Variants in PRKN observed in about 807,000 individuals in gnomAD.
PRKN encodes the protein parkin RBR E3 ubiquitin protein ligase.
PRKN carries 56 observed loss-of-function variants against 59.5 expected under a neutral mutation model. That is an observed-to-expected ratio of 0.94 (90% CI 0.76 to 1.18). The LOEUF (loss-of-function observed/expected upper bound fraction) is 1.18. PRKN is among the 50% of genes most tolerant of loss of function. The probability of loss-of-function intolerance (pLI) is 0.00; values close to 1 mark genes in which losing one functional copy is unlikely to be tolerated. For synonymous variants in PRKN, 250 were observed against 222.1 expected, an observed-to-expected ratio of 1.13 and a Z score of -1.12; for missense variants, 657 against 596.4, an observed-to-expected ratio of 1.10 and a Z score of -1.06.
chr6:161,380,977 G>T lies in PRKN; in HGVS notation c.1167+5817C>A, dbSNP rs955126906. ...AGTTTGCCACAGACCACCCCCACCC[G>T]CCCCAGCATGGGGCTATGTGTCATT... is the stretch of plus-strand genomic sequence containing the variant. On this transcript the variant is annotated intron_variant, in intron 10 of 11. Coordinates refer to ENST00000366898, the MANE Select transcript of PRKN (RefSeq NM_004562.3). Among the ~76,000 whole-genome samples the T allele has an allele frequency of 2.0e-5, 3 of 152,018 alleles. No individual in the cohort carries two copies. In the South Asian group the frequency reaches 6.2e-4, roughly 32 times the overall value.
At chr6:162,381,512 A>G (rs1455742989) in intron 2 of PRKN, among the ~76,000 whole-genome samples, 2 of 152,198 alleles carry the variant, frequency 1.3e-5, no homozygotes, top group Non-Finnish European at 2.9e-5. Flanking sequence ...TTATACCCTC[A>G]TTATAATTAC....
At chr6:161,510,812 A>G (rs958150212) in intron 9 of PRKN, among the ~76,000 whole-genome samples, 1 of 152,192 alleles carries the variant, frequency 6.6e-6, no homozygotes, top group Non-Finnish European at 1.5e-5. Flanking sequence ...TTTGAATGAA[A>G]TATGTTGGAA....
Position 161,538,617 on chromosome 6 carries a change from T to C in PRKN, c.1083+10237A>G, listed in dbSNP as rs503783. 0.68 allele frequency among the ~76,000 whole-genome samples: 103,611 copies of C among 151,890 alleles called. 35,882 individuals carry two copies. The highest frequency in any genetic ancestry group is 0.79 in the Middle Eastern group (233 of 294). ...TCTTTGAGGACTTCAACTGGTAGAA[T>C]CCTGGGGCCCACTGAGATGCCAAGC... On this transcript the variant is annotated intron_variant, in intron 9 of 11. Coordinates refer to ENST00000366898, the MANE Select transcript of PRKN (RefSeq NM_004562.3). This position sits in a 1 kb window ranked among gnomAD's most constrained non-coding sequence, Gnocchi z 4.2.
At chr6:162,161,754 A>G (rs550088358) in intron 4 of PRKN, among the ~76,000 whole-genome samples, 94 of 152,280 alleles carry the variant, frequency 6.2e-4, no homozygotes, top group Non-Finnish European at 7.5e-4. Flanking sequence ...GCTCAATCCA[A>G]TCAGGTAGGC....
intron 2 of PRKN, among the ~76,000 whole-genome samples, chr6:162,290,906 T>C (rs1010753112): frequency 6.6e-6 from 1 of 152,184 alleles, no homozygotes; most frequent in Non-Finnish European, 1.5e-5. Context: ...ATAATGCTAG[T>C]CTGAGCCAGT....
intron 6 of PRKN, among the ~76,000 whole-genome samples, chr6:161,870,571 T>C (rs983073164): frequency 6.6e-6 from 1 of 152,162 alleles, no homozygotes; most frequent in Non-Finnish European, 1.5e-5. Flanking sequence ...TATTTACTTC[T>C]CTACTAAAAA....
Position 162,286,956 on chromosome 6 carries a change from A to C in PRKN, c.172-24191T>G, listed in dbSNP as rs561115986. Among the ~76,000 whole-genome samples, 175 of 152,322 alleles carry C rather than the reference A, an allele frequency of 1.1e-3. 2 individuals carry two copies. The highest frequency in any genetic ancestry group is 2.0e-3 in the Non-Finnish European group (135 of 68,026). On this transcript the variant is annotated intron_variant, in intron 2 of 11. Coordinates refer to ENST00000366898, the MANE Select transcript of PRKN (RefSeq NM_004562.3). ...GCTTACCTTGACTGAATAAATCAGCAATGAGTACAGATATCTACTTTAATT... is the reference window on the plus strand; with the variant it reads ...GCTTACCTTGACTGAATAAATCAGCCATGAGTACAGATATCTACTTTAATT...
intron 6 of PRKN, among the ~76,000 whole-genome samples, chr6:161,968,388 A>C (rs1780667167): frequency 1.3e-5 from 2 of 151,954 alleles, no homozygotes; most frequent in South Asian, 4.1e-4. Context: ...CCCTTAGGGA[A>C]GGAAGCCTAG....
chr6:162,666,962 A>G (rs1030037386), intron 1 of PRKN, among the ~76,000 whole-genome samples: 8 of 152,152 alleles, frequency 5.3e-5, no homozygotes, highest in African/African-American at 1.9e-4. Context: ...CAAAGTACTT[A>G]GGATTATGAA....
Position 161,393,721 on chromosome 6 carries a change from C to G in PRKN, c.1084-6844G>C, listed in dbSNP as rs1015550941. 6.8e-6 allele frequency among the ~76,000 whole-genome samples: 1 copy of G among 146,264 alleles called. No individual in the cohort carries two copies. Among genetic ancestry groups the G allele is most frequent in the Non-Finnish European group, 1.5e-5 (1 of 65,902 alleles). The stretch of plus-strand genomic sequence containing the variant: ...CAGTAGGTACCTACAAGCAATGACC[C>G]TTAAAATAAGGCTTGATGATGATCT... On this transcript the variant is annotated intron_variant, in intron 9 of 11. Transcript: ENST00000366898. This position sits in a 1 kb window ranked among gnomAD's most constrained non-coding sequence, Gnocchi z 4.7.
chr6:162,188,782 T>G (rs975785277), intron 4 of PRKN, among the ~76,000 whole-genome samples: 1 of 151,834 alleles, frequency 6.6e-6, no homozygotes, highest in African/African-American at 2.4e-5. Flanking sequence ...GATTTCGTTT[T>G]TTTTTTTTTT....
rs563180765 is a variant in PRKN at position 161,954,166 on chromosome 6, C to T, written c.734+19136G>A. Among the ~76,000 whole-genome samples the T allele has an allele frequency of 2.6e-5, 4 of 152,304 alleles. No individual in the cohort carries two copies. In the East Asian group the frequency reaches 5.8e-4, roughly 22 times the overall value. The stretch of plus-strand genomic sequence containing the variant: ...GCGACTTGGTTGATAGGAATCTCAG[C>T]CGTGTAGCTGAAACGTAGCTTCTAT... On this transcript the variant is annotated intron_variant, in intron 6 of 11. Transcript: ENST00000366898.
chr6:161,380,598 G>T (rs941352895), intron 10 of PRKN, among the ~76,000 whole-genome samples: 7 of 151,850 alleles, frequency 4.6e-5, no homozygotes, highest in Non-Finnish European at 5.9e-5. Flanking sequence ...GTAATAAAAG[G>T]TGCTTTATAA....
chr6:161,572,575 G>T (rs1275199530), intron 7 of PRKN, among the ~76,000 whole-genome samples: 1 of 152,244 alleles, frequency 6.6e-6, no homozygotes, highest in East Asian at 1.9e-4. Flanking sequence ...CAGGAGAATC[G>T]CTTGAACCTG....
intron 2 of PRKN, among the ~76,000 whole-genome samples, chr6:162,408,917 C>T (rs1292841321): frequency 1.3e-5 from 2 of 151,660 alleles, no homozygotes; most frequent in Non-Finnish European, 2.9e-5. Flanking sequence ...CTTCACCTCA[C>T]TTTCCCCTCC....
At chr6:162,438,819 TA>T (rs1789905540) in intron 2 of PRKN, among the ~76,000 whole-genome samples, 1 of 152,232 alleles carries the variant, frequency 6.6e-6, no homozygotes, top group Non-Finnish European at 1.5e-5. Context: ...AATCCATCTA[TA>T]ACTTTATGTC....
chr6:162,209,958 G>C (rs976644164), intron 3 of PRKN, among the ~76,000 whole-genome samples: 1 of 151,818 alleles, frequency 6.6e-6, no homozygotes, highest in Non-Finnish European at 1.5e-5. Flanking sequence ...GGCCTGTTGT[G>C]GGATGGGGAG....
At chr6:161,741,801 G>C (rs1788197991) in intron 7 of PRKN, among the ~76,000 whole-genome samples, 1 of 152,118 alleles carries the variant, frequency 6.6e-6, no homozygotes, top group Admixed American at 6.6e-5. Context: ...TGGTTTGGCT[G>C]TGTCCCCACC....
chr6:162,291,198 C>T (rs1475163896), intron 2 of PRKN, among the ~76,000 whole-genome samples: 1 of 152,098 alleles, frequency 6.6e-6, no homozygotes, highest in Non-Finnish European at 1.5e-5. Flanking sequence ...GCAAGAAACT[C>T]ATGGTGACCT....
Sources: allele counts gnomAD v4.1 joint callset (sites outside exome capture counted in the v4.1 genomes callset), GRCh38; gene constraint gnomAD v4.1.1; non-coding constraint Gnocchi (gnomAD v3.1); transcripts MANE v1.5; gene names NCBI Gene and HGNC (gene_info 2026-07-23, HGNC 2026-07-21).